GOLGB1: variants seen among roughly 807,000 people sequenced by gnomAD.
GOLGB1 encodes the protein golgin subfamily B member 1.
GOLGB1 carries 174 observed loss-of-function variants against 336.9 expected under a neutral mutation model. That is an observed-to-expected ratio of 0.52 (90% CI 0.46 to 0.59). The LOEUF is 0.59. Ranked by LOEUF, GOLGB1 falls within the 20% of genes least tolerant of loss-of-function variation. GOLGB1 has a pLI of 0.00. For missense variants in GOLGB1, 3,331 were observed against 3,645.3 expected, an observed-to-expected ratio of 0.91 and a Z score of 2.22; for synonymous variants, 1,208 against 1,289.2, an observed-to-expected ratio of 0.94 and a Z score of 1.35.
Position 121,681,940 on chromosome 3 carries a change from T to G in GOLGB1, c.8695-75A>C, listed in dbSNP as rs1941118703. Reference sequence around the variant, plus strand: ...TAACTGTAAGTCATTGGTAGCTCCCTACTAAGTAGTCAGACACCACAACAT... The same window carrying G: ...TAACTGTAAGTCATTGGTAGCTCCCGACTAAGTAGTCAGACACCACAACAT... On this transcript the variant is annotated intron_variant, in intron 14 of 21. Transcript: ENST00000614479. 39 of 965,026 alleles carry G rather than the reference T, an allele frequency of 4.0e-5. No homozygotes were observed. In the South Asian group the frequency reaches 5.3e-4, roughly 13 times the overall value. The allele number at this position is 965,026 out of a possible 1,614,324, so 59.8% of individuals were successfully genotyped here. A position where few individuals can be genotyped will look rare whatever the true frequency, so the allele number is the denominator to read the frequency against.
chr3:121,727,181 A>T (rs2108254098), intron 4 of GOLGB1, 140 bp from the exon 5 acceptor site: 1 of 413,084 alleles, frequency 2.4e-6, no homozygotes, highest in African/African-American at 2.1e-5. Flanking sequence ...CAGCTGATCT[A>T]ACAAATAAGA....
At position 121,722,334 on chromosome 3, in the gene GOLGB1, G is replaced by A. The variant is rs915133813; in HGVS notation, c.576C>T (p.Leu192=). The change falls in exon 6 of 22, where the codon CTC becomes CTT. Residue 192 remains leucine (L), a synonymous_variant. Transcript: ENST00000614479. ...MEEFVMMKQQ[L]QEKEEFISTL... is the part of the protein sequence containing the mutation. ...TGCTAATGAATTCTTCCTTCTCCTG[G>A]AGCTGTTGCTTCATCATTACAAATT... is the stretch of plus-strand genomic sequence containing the variant. 2 of 1,612,178 alleles carry A rather than the reference G, an allele frequency of 1.2e-6. No individual in the cohort carries two copies. Among genetic ancestry groups the A allele is most frequent in the South Asian group, 1.1e-5 (1 of 91,036 alleles).
rs542956455 is a variant in GOLGB1 at position 121,688,607 on chromosome 3, C to T, written c.8694+2063G>A. Among the ~76,000 whole-genome samples, 232 of 152,236 alleles carry T rather than the reference C, an allele frequency of 1.5e-3. 1 individual carries two copies. The highest frequency in any genetic ancestry group is 5.9e-4 in the Non-Finnish European group (40 of 68,008). On this transcript the variant is annotated intron_variant, in intron 14 of 21. Transcript: ENST00000614479. ...GAGTGCAGCCTCTGCCCCGCCGCCACCCCGTCTGGGAAGTGAGGAGCGTCT... is the reference window on the plus strand; with the variant it reads ...GAGTGCAGCCTCTGCCCCGCCGCCATCCCGTCTGGGAAGTGAGGAGCGTCT...
In GOLGB1 at chr3:121,714,912, ATGT is replaced by A. The variant is rs1944636141; in HGVS notation, c.1350_1352del (p.Gln450del). The A allele has an allele frequency of 1.5e-5, 24 of 1,613,380 alleles. No individual in the cohort carries two copies. Among genetic ancestry groups the A allele is most frequent in the Non-Finnish European group, 2.0e-5 (23 of 1,179,458 alleles). On this transcript the variant is annotated inframe_deletion, in exon 10 of 22. Transcript: ENST00000614479. The stretch of plus-strand genomic sequence containing the variant: ...GGAAAGAAGTCTGAGATGCTGTTTC[ATGT>A]TGTTGCAAGGGCAGTCTATTTAGAA...
Position 121,677,039 on chromosome 3 carries a change from A to G in GOLGB1, c.9040-9T>C, listed in dbSNP as rs774484023. 1.2e-6 allele frequency: 2 copies of G among 1,613,910 alleles called. No homozygotes were observed. Among genetic ancestry groups the G allele is most frequent in the African/African-American group, 1.3e-5 (1 of 75,010 alleles). ...GATGTCTCTGGGGATGCCTGCCAGG[A>G]CACAAACATTGATCAGATTCTCTCC... On this transcript the variant is annotated splice_polypyrimidine_tract_variant and intron_variant, in intron 16 of 21. Transcript: ENST00000614479.
chr3:121,722,529 T>C, intron 5 of GOLGB1, 151 bp from the exon 6 acceptor site: 1 of 576,444 alleles, frequency 1.7e-6, no homozygotes, highest in Non-Finnish European at 3.1e-6. Context: ...TTGCATGCAT[T>C]ATCAAAATTT....
chr3:121,681,715 A>G lies in GOLGB1; in HGVS notation c.8845T>C (p.Ser2949Pro), dbSNP rs1254607934. The change falls in exon 15 of 22, where the codon TCC (serine) becomes CCC (proline). Residue 2949 changes from serine (S) to proline (P), a missense_variant. Physicochemically the swap from Ser to Pro is moderately conservative, Grantham distance 74. Coordinates refer to ENST00000614479, the MANE Select transcript of GOLGB1 (RefSeq NM_001366282.2). ...AGCTGATGCAGCTCATGCTGCCAGG[A>G]GAGGTTTTCCTGCCTGAGCTCTTCT... is the stretch of plus-strand genomic sequence containing the variant. ...MQEELRQENL[S>P]WQHELHQLRM... The G allele has an allele frequency of 1.6e-5, 25 of 1,611,500 alleles. No individual in the cohort carries two copies. The highest frequency in any genetic ancestry group is 2.1e-5 in the Non-Finnish European group (25 of 1,178,414).
chr3:121,734,251 A>G lies in GOLGB1; in HGVS notation c.-2-3278T>C, dbSNP rs76212503. On this transcript the variant is annotated intron_variant, in intron 1 of 21. Transcript: ENST00000614479. ...CTAAAAATACAAAAATAAGCTGGGC[A>G]TGATGGCGCATGCCTGTAGTCCCAG... Among the ~76,000 whole-genome samples, 10 of 152,152 alleles carry G rather than the reference A, an allele frequency of 6.6e-5. No homozygotes were observed. In the South Asian group the frequency reaches 1.9e-3, roughly 28 times the overall value.
chr3:121,707,407 A>G (rs945917019), intron 10 of GOLGB1, among the ~76,000 whole-genome samples: 2 of 151,688 alleles, frequency 1.3e-5, no homozygotes, highest in African/African-American at 4.8e-5. Flanking sequence ...GGATCATTTG[A>G]GCTCAGGAGG....
In GOLGB1 at chr3:121,693,724, A is replaced by C. The variant is rs1942678434; in HGVS notation, c.6782+17T>G. 6.4e-7 allele frequency: 1 copy of C among 1,559,416 alleles called. No homozygotes were observed. The highest frequency in any genetic ancestry group is 1.4e-5 in the African/African-American group (1 of 73,520). On this transcript the variant is annotated intron_variant, in intron 13 of 21. Transcript: ENST00000614479. ...TGAAGTTACCTCTGGAGGAGGAAAA[A>C]TTCACTACTCATTTACCTGGAAATG...
rs763055929 is a variant in GOLGB1 at position 121,727,015 on chromosome 3, C to G, written c.429G>C (p.Glu143Asp). ...SKHDKSSTEEEMEIEKIKHKL... is the reference protein window; with the variant it reads ...SKHDKSSTEEDMEIEKIKHKL... Reference sequence around the variant, plus strand: ...TATGTTTTATCTTTTCTATTTCCATCTCTTCCTCTGTAGAACTCTTGTCAT... The same window carrying G: ...TATGTTTTATCTTTTCTATTTCCATGTCTTCCTCTGTAGAACTCTTGTCAT... The change falls in exon 5 of 22, where the codon GAG becomes GAC. Residue 143 changes from glutamate (E) to aspartate (D), a missense_variant. Glu to Asp is a conservative substitution (Grantham distance 45). Coordinates refer to ENST00000614479, the MANE Select transcript of GOLGB1 (RefSeq NM_001366282.2). 4.4e-6 allele frequency: 7 copies of G among 1,593,302 alleles called. 1 individual carries two copies. The Admixed American group carries it at 1.0e-4, about 23-fold the overall frequency.
rs1944654518 is a variant in GOLGB1 at position 121,715,100 on chromosome 3, C to A, written c.1289-124G>T. 27 of 590,500 alleles carry A rather than the reference C, an allele frequency of 4.6e-5. 2 individuals carry two copies. The South Asian group carries it at 5.5e-4, about 12-fold the overall frequency. The allele number at this position is 590,500 out of a possible 1,614,324, so 36.6% of individuals were successfully genotyped here. On this transcript the variant is annotated intron_variant, in intron 9 of 21. Transcript: ENST00000614479. ...AGTTTCCTTAGTTAAAATTATGATG[C>A]CAATGACAACATTATTATTAGCTAA...
At position 121,677,024 on chromosome 3, in the gene GOLGB1, G is replaced by C. The variant is rs1358079076; in HGVS notation, c.9046C>G (p.Pro3016Ala). The change falls in exon 17 of 22, where the codon CCA becomes GCA. Residue 3016 changes from proline (P) to alanine (A), a missense_variant. Transcript: ENST00000614479. The part of the protein sequence containing the change: ...LKVQYQRQAS[P>A]ETSASPDGSQ... ...CCATCTGGGGAAGCTGATGTCTCTG[G>C]GGATGCCTGCCAGGACACAAACATT... 9 of 1,613,820 alleles carry C rather than the reference G, an allele frequency of 5.6e-6. No homozygotes were observed. The highest frequency in any genetic ancestry group is 6.8e-6 in the Non-Finnish European group (8 of 1,179,868).
intron 17 of GOLGB1, among the ~76,000 whole-genome samples, chr3:121,674,825 CTTT>C (rs891603400): frequency 1.2e-4 from 15 of 121,020 alleles, no homozygotes; most frequent in South Asian, 2.7e-4. Flanking sequence ...AGGTGCCTTT[CTTT>C]TTTTTTTTTT....
intron 14 of GOLGB1, among the ~76,000 whole-genome samples, chr3:121,682,277 T>C (rs896909328): frequency 2.0e-5 from 3 of 152,216 alleles, no homozygotes; most frequent in African/African-American, 7.2e-5. Flanking sequence ...CTATCAATCT[T>C]AACTGTAGCT....
At chr3:121,747,413 ATG>A (rs899140392) in intron 1 of GOLGB1, among the ~76,000 whole-genome samples, 1 of 146,394 alleles carries the variant, frequency 6.8e-6, no homozygotes, top group Non-Finnish European at 1.5e-5. Context: ...ACGTATATAT[ATG>A]TATATATATA....
At chr3:121,722,216 C>T (rs372655501) in intron 6 of GOLGB1, 46 bp downstream of exon 6, 6 of 1,038,160 alleles carry the variant, frequency 5.8e-6, no homozygotes, top group African/African-American at 1.6e-5. Flanking sequence ...GCGTAATAAC[C>T]CACTGGACTT....
Position 121,695,779 on chromosome 3 carries a change from C to G in GOLGB1, c.4744G>C (p.Glu1582Gln). Reference sequence around the variant, plus strand: ...TTTTCCTTGTCTTCAGTAAGACCCTCTAGAGCTAGTTTTAGACTTTCACAG... The same window carrying G: ...TTTTCCTTGTCTTCAGTAAGACCCTGTAGAGCTAGTTTTAGACTTTCACAG... Reference protein sequence around the residue: ...SSCESLKLALEGLTEDKEKLV... With the variant: ...SSCESLKLALQGLTEDKEKLV... Residue 1582 changes from glutamate (E) to glutamine (Q), a missense_variant, in exon 13 of 22, where the codon GAG becomes CAG. Physicochemically the swap from Glu to Gln is conservative, Grantham distance 29. Transcript: ENST00000614479. The G allele has an allele frequency of 1.2e-6, 2 of 1,613,270 alleles. No individual in the cohort carries two copies. The highest frequency in any genetic ancestry group is 1.7e-6 in the Non-Finnish European group (2 of 1,179,976).
rs1027235118 is a variant in GOLGB1, at chr3:121,681,976, C to T, written c.8695-111G>A. On this transcript the variant is annotated intron_variant, in intron 14 of 21. Transcript: ENST00000614479. ...CAGACACCACAACATGAAACCAGCA[C>T]CTAACAGTCCACTGATGACATATCA... 2.8e-5 allele frequency: 20 copies of T among 703,276 alleles called. No homozygotes were observed. In the African/African-American group the frequency reaches 3.4e-4, roughly 12 times the overall value. The allele number at this position is 703,276 out of a possible 1,614,324, so 43.6% of individuals were successfully genotyped here.
Sources: gnomAD v4.1 joint callset for allele counts (sites outside exome capture counted in the v4.1 genomes callset) on GRCh38, gnomAD v4.1.1 for gene constraint, MANE v1.5 for transcripts, NCBI Gene and HGNC (gene_info 2026-07-23, HGNC 2026-07-21) for gene names.